Variants in AK9 observed in about 807,000 individuals in gnomAD.
The protein encoded by AK9 is adenylate kinase domain containing 1.
A neutral mutation model predicts 239.6 loss-of-function variants in AK9; 191 were observed. That is an observed-to-expected ratio of 0.80 (90% CI 0.71 to 0.90). AK9 has a LOEUF of 0.90. Ranked by LOEUF, AK9 falls within the 40% of genes least tolerant of loss-of-function variation. The pLI is 0.00. For missense variants in AK9, 1,995 were observed against 2,214.7 expected, an observed-to-expected ratio of 0.90 and a Z score of 1.99; for synonymous variants, 689 against 721.0, an observed-to-expected ratio of 0.96 and a Z score of 0.71.
intron 12 of AK9, among the ~76,000 whole-genome samples, chr6:109,630,708 G>T (rs1349331069): frequency 6.6e-6 from 1 of 152,076 alleles, no homozygotes; most frequent in East Asian, 1.9e-4. Context: ...AGCCAGGCAT[G>T]GTGGTGTGCA....
At position 109,564,208 on chromosome 6, in the gene AK9, C is replaced by G. The variant is rs1053536613; in HGVS notation, c.2507G>C (p.Gly836Ala). Reference sequence around the variant, plus strand: ...CTGTTTCCAGAGGATGATGAAAGAACCAATCTTCTCTTTAAATGGCTCCAT... The same window carrying G: ...CTGTTTCCAGAGGATGATGAAAGAAGCAATCTTCTCTTTAAATGGCTCCAT... Reference protein sequence around the residue: ...PEMEPFKEKIGSFIILWKQLE... With the variant: ...PEMEPFKEKIASFIILWKQLE... The change falls in exon 23 of 41, where the codon GGT becomes GCT. Residue 836 changes from glycine to alanine, a missense_variant. Gly to Ala is a moderately conservative substitution (Grantham distance 60). Coordinates refer to ENST00000424296, the MANE Select transcript of AK9 (RefSeq NM_001145128.3). 6.4e-7 allele frequency: 1 copy of G among 1,551,244 alleles called. No homozygotes were observed. Among genetic ancestry groups the G allele is most frequent in the African/African-American group, 1.4e-5 (1 of 73,010 alleles).
intron 26 of AK9, among the ~76,000 whole-genome samples, chr6:109,542,729 T>A (rs901165475): frequency 6.6e-6 from 1 of 152,224 alleles, no homozygotes; most frequent in Non-Finnish European, 1.5e-5. Flanking sequence ...AAATTTGGGC[T>A]ATTTTCTATA....
chr6:109,495,277 T>C, intron 39 of AK9, 61 bp downstream of exon 39: 1 of 1,318,416 alleles, frequency 7.6e-7, no homozygotes. Flanking sequence ...AAAATTAGTG[T>C]TAAAAAGAAG....
chr6:109,585,356 G>T, intron 18 of AK9, 119 bp from the exon 19 acceptor site: 1 of 374,168 alleles, frequency 2.7e-6, no homozygotes. Flanking sequence ...TTTCCTTTAA[G>T]CATGTATCTA....
At chr6:109,557,517 G>A (rs1785154326) in intron 24 of AK9, among the ~76,000 whole-genome samples, 1 of 152,160 alleles carries the variant, frequency 6.6e-6, no homozygotes, top group African/African-American at 2.4e-5. Context: ...TTTGTCCCTT[G>A]GTGGAGAGGG....
intron 17 of AK9, among the ~76,000 whole-genome samples, chr6:109,604,965 C>CTACCTTA (rs1376638099): frequency 2.0e-5 from 3 of 150,366 alleles, no homozygotes; most frequent in Non-Finnish European, 4.4e-5. Flanking sequence ...ATTCTTTTGG[C>CTACCTTA]TACCTTATTT....
At chr6:109,632,332 T>C (rs964668747) in intron 12 of AK9, 6 of 984,994 alleles carry the variant, frequency 6.1e-6, no homozygotes, top group Non-Finnish European at 7.2e-6. Context: ...TCAAGCCACA[T>C]TGCCCCTTCT....
In AK9 at chr6:109,564,194, G is replaced by C. The variant is rs1786168195; in HGVS notation, c.2521C>G (p.Leu841Val). 1 of 1,551,232 alleles carries C rather than the reference G, an allele frequency of 6.4e-7. No individual in the cohort carries two copies. Among genetic ancestry groups the C allele is most frequent in the African/African-American group, 1.4e-5 (1 of 72,980 alleles). Reference protein sequence around the residue: ...FKEKIGSFIILWKQLEATISE... With the variant: ...FKEKIGSFIIVWKQLEATISE... ...ATTGTTGCTTCTAGCTGTTTCCAGA[G>C]GATGATGAAAGAACCAATCTTCTCT... The change falls in exon 23 of 41, where the codon CTC becomes GTC. Residue 841 changes from leucine (L) to valine (V), a missense_variant. Around this residue, in one of 5 missense-constraint regions of AK9, gnomAD observed 1,290 missense variants for 1,392.7 expected, o/e 0.93. Coordinates refer to ENST00000424296, the MANE Select transcript of AK9 (RefSeq NM_001145128.3).
intron 15 of AK9, among the ~76,000 whole-genome samples, chr6:109,613,128 G>A (rs575447089): frequency 1.3e-5 from 2 of 151,164 alleles, no homozygotes; most frequent in South Asian, 4.1e-4. Flanking sequence ...ATGCCTGATT[G>A]AGAGAAAGAC....
intron 3 of AK9, among the ~76,000 whole-genome samples, chr6:109,672,464 C>T (rs1771068335): frequency 6.6e-6 from 1 of 152,092 alleles, no homozygotes; most frequent in East Asian, 1.9e-4. Flanking sequence ...AGGAGGATTG[C>T]TTGAGCCCAG....
rs533543945 is a variant in AK9, at chr6:109,519,223, A to G, written c.3634-2581T>C. ...TCCTTTACCCAGTCCACCACTGATG[A>G]GCCCCTATGTTAATTCCATGTCTTT... On this transcript the variant is annotated intron_variant, in intron 29 of 40. Transcript: ENST00000424296. Among the ~76,000 whole-genome samples, 3 of 152,310 alleles carry G rather than the reference A, an allele frequency of 2.0e-5. No homozygotes were observed. In the South Asian group the frequency reaches 6.2e-4, roughly 32 times the overall value.
chr6:109,536,518 T>C (rs1782014933), intron 27 of AK9, among the ~76,000 whole-genome samples: 1 of 152,114 alleles, frequency 6.6e-6, no homozygotes, highest in Non-Finnish European at 1.5e-5. Context: ...GATGATGGGG[T>C]TTTCTAAATA....
chr6:109,642,528 C>G (rs1797582584), intron 9 of AK9, among the ~76,000 whole-genome samples: 1 of 152,142 alleles, frequency 6.6e-6, no homozygotes, highest in African/African-American at 2.4e-5. Flanking sequence ...TGCAGAGTAC[C>G]AGTTCCCATG....
chr6:109,514,150 T>C, intron 32 of AK9, 74 bp downstream of exon 32: 1 of 1,358,686 alleles, frequency 7.4e-7, no homozygotes, highest in African/African-American at 1.5e-5. Flanking sequence ...TCTTGGTGAA[T>C]TGACCTGCCA....
chr6:109,689,567 G>C (rs1431952682), intron 1 of AK9, among the ~76,000 whole-genome samples: 2 of 152,140 alleles, frequency 1.3e-5, no homozygotes, highest in Non-Finnish European at 2.9e-5. Context: ...CCCTCAAGAG[G>C]GGATAACTGA....
intron 6 of AK9, among the ~76,000 whole-genome samples, chr6:109,661,729 G>C (rs939592705): frequency 6.6e-6 from 1 of 152,162 alleles, no homozygotes; most frequent in African/African-American, 2.4e-5. Flanking sequence ...CCCAGCATCT[G>C]AGCTGAAAAC....
At chr6:109,679,552 C>A (rs974914716) in intron 1 of AK9, among the ~76,000 whole-genome samples, 2 of 152,146 alleles carry the variant, frequency 1.3e-5, no homozygotes, top group African/African-American at 4.8e-5. Context: ...ACATCCCTGC[C>A]TGCCAGCTCT....
At chr6:109,558,836 A>G (rs1479594426) in intron 24 of AK9, among the ~76,000 whole-genome samples, 1 of 151,140 alleles carries the variant, frequency 6.6e-6, no homozygotes. Flanking sequence ...AATAATATTA[A>G]GTCTTCTGAC....
intron 1 of AK9, among the ~76,000 whole-genome samples, chr6:109,686,808 T>G (rs1050220645): frequency 1.3e-5 from 2 of 152,170 alleles, no homozygotes; most frequent in Non-Finnish European, 2.9e-5. Flanking sequence ...ACTGGAAGTA[T>G]CCACTATGAG....
Sources: allele counts gnomAD v4.1 joint callset (sites outside exome capture counted in the v4.1 genomes callset), GRCh38; gene constraint gnomAD v4.1.1; regional missense constraint gnomAD v4.1.1; transcripts MANE v1.5; gene names NCBI Gene and HGNC (gene_info 2026-07-23, HGNC 2026-07-21).